ZNF385D: variants seen among roughly 807,000 people sequenced by gnomAD.
The protein encoded by ZNF385D is zinc finger protein 385D.
In ZNF385D, 15 loss-of-function variants were observed where a neutral mutation model predicts 35.8. The observed-to-expected ratio is 0.42, with a 90% CI of 0.28 to 0.64. ZNF385D has a LOEUF of 0.64. Among genes scored for constraint, ZNF385D ranks in the 30% least tolerant of loss-of-function variants. ZNF385D has a pLI of 0.23. For synonymous variants in ZNF385D, 212 were observed against 186.8 expected, an observed-to-expected ratio of 1.13 and a Z score of -1.10; for missense variants, 474 against 494.6, an observed-to-expected ratio of 0.96 and a Z score of 0.39.
chr3:22,287,071 T>C (rs1441355202), intron 2 of ZNF385D, among the ~76,000 whole-genome samples: 2 of 152,116 alleles, frequency 1.3e-5, no homozygotes, highest in Non-Finnish European at 2.9e-5. Context: ...TGGGTACATA[T>C]GTATTTACGA....
chr3:21,563,260 A>G (rs1338949476), intron 3 of ZNF385D: 5 of 152,474 alleles, frequency 3.3e-5, no homozygotes. Context: ...GCAGGCCCTT[A>G]CCAGACAGTG....
chr3:21,593,524 G>T (rs544600491), intron 2 of ZNF385D, among the ~76,000 whole-genome samples: 17 of 152,242 alleles, frequency 1.1e-4, no homozygotes, highest in African/African-American at 4.1e-4. Context: ...GGGCAGAGAA[G>T]TAAATAAAAG....
chr3:21,911,706 A>C (rs1699973252), intron 3 of ZNF385D, among the ~76,000 whole-genome samples: 1 of 151,956 alleles, frequency 6.6e-6, no homozygotes, highest in Non-Finnish European at 1.5e-5. Flanking sequence ...TAATTTCCTC[A>C]TTTCAACTAT....
chr3:21,581,283 A>G (rs1296491126), intron 2 of ZNF385D, among the ~76,000 whole-genome samples: 1 of 152,074 alleles, frequency 6.6e-6, no homozygotes, highest in East Asian at 1.9e-4. Context: ...TCACTTGTAT[A>G]TCAGATGTAT....
chr3:21,932,489 G>A (rs1701062765), intron 3 of ZNF385D, among the ~76,000 whole-genome samples: 1 of 151,794 alleles, frequency 6.6e-6, no homozygotes, highest in African/African-American at 2.4e-5. Flanking sequence ...CCTCTACAGA[G>A]CTTTTGATTA....
chr3:21,628,953 T>G (rs543688726), intron 2 of ZNF385D, among the ~76,000 whole-genome samples: 1 of 152,242 alleles, frequency 6.6e-6, no homozygotes, highest in South Asian at 2.1e-4. Context: ...TTCACTTACA[T>G]TTTGCCTGGG....
At chr3:21,627,099 G>C (rs1030770885) in intron 2 of ZNF385D, among the ~76,000 whole-genome samples, 1 of 150,200 alleles carries the variant, frequency 6.7e-6, no homozygotes, top group African/African-American at 2.5e-5. Context: ...TTACAAGATT[G>C]TTTTCCCCAC....
intron 2 of ZNF385D, among the ~76,000 whole-genome samples, chr3:22,326,250 TG>T (rs1376812266): frequency 6.6e-6 from 1 of 152,170 alleles, no homozygotes; most frequent in Non-Finnish European, 1.5e-5. Flanking sequence ...TAATCAAAGT[TG>T]TTGTCTATGT....
chr3:22,121,562 A>G (rs1440686699), intron 3 of ZNF385D, among the ~76,000 whole-genome samples: 2 of 152,210 alleles, frequency 1.3e-5, no homozygotes, highest in Non-Finnish European at 2.9e-5. Context: ...TAGCGTGCAC[A>G]ATGCACAAAG....
intron 2 of ZNF385D, among the ~76,000 whole-genome samples, chr3:22,175,199 GATTT>G (rs566965041): frequency 4.1e-4 from 62 of 151,968 alleles, no homozygotes; most frequent in Admixed American, 1.3e-3. Context: ...ATATAACAAA[GATTT>G]ATTATTTGTA....
intron 1 of ZNF385D, among the ~76,000 whole-genome samples, chr3:21,711,663 A>T (rs1056820802): frequency 6.6e-6 from 1 of 152,174 alleles, no homozygotes; most frequent in African/African-American, 2.4e-5. Flanking sequence ...TCAAATTTTA[A>T]AATGCATCCA....
At chr3:21,975,132 A>G (rs1223417120) in intron 3 of ZNF385D, among the ~76,000 whole-genome samples, 2 of 152,214 alleles carry the variant, frequency 1.3e-5, no homozygotes, top group African/African-American at 4.8e-5. Context: ...AGTTTGTGGC[A>G]GCACTGCTCT....
intron 3 of ZNF385D, among the ~76,000 whole-genome samples, chr3:22,129,242 G>A (rs188122566): frequency 6.6e-6 from 1 of 152,266 alleles, no homozygotes; most frequent in Admixed American, 6.5e-5. Context: ...GGTGACACAA[G>A]CATTCCCATG....
rs541171971 is a variant in ZNF385D at position 21,992,338 on chromosome 3, T to C, written c.325+176479A>G. 2.2e-4 allele frequency among the ~76,000 whole-genome samples: 33 copies of C among 152,228 alleles called. 1 individual carries two copies. Among genetic ancestry groups the C allele is most frequent in the Admixed American group, 2.0e-3 (30 of 15,286 alleles). ...GCAAAACATACAAACACACTCTAGC[T>C]ATTATCTATGTTAAACAAGATAGAA... On this transcript the variant is annotated intron_variant, in intron 3 of 5. Coordinates refer to the ZNF385D transcript ENST00000494108.
At chr3:22,281,778 CTCT>C (rs1701755729) in intron 2 of ZNF385D, among the ~76,000 whole-genome samples, 1 of 152,018 alleles carries the variant, frequency 6.6e-6, no homozygotes, top group Non-Finnish European at 1.5e-5. Context: ...GAAGGATTCC[CTCT>C]TTCTCTATCT....
chr3:22,245,329 G>T (rs1699716816), intron 2 of ZNF385D, among the ~76,000 whole-genome samples: 2 of 151,970 alleles, frequency 1.3e-5, no homozygotes, highest in South Asian at 2.1e-4. Context: ...GAAGTGTCCT[G>T]GGGCTAGTCC....
Position 22,217,415 on chromosome 3 carries a change from T to C in ZNF385D, c.107-48380A>G, listed in dbSNP as rs151220676. ...ATCTCCTTATCTGTTGGCCTCATCA[T>C]ACCTGATTAAAACAAAATTCCAAGT... On this transcript the variant is annotated intron_variant, in intron 2 of 5. Coordinates refer to the ZNF385D transcript ENST00000494108. 2.3e-4 allele frequency among the ~76,000 whole-genome samples: 35 copies of C among 152,278 alleles called. No homozygotes were observed. In the East Asian group the frequency reaches 6.2e-3, roughly 27 times the overall value.
intron 4 of ZNF385D, chr3:21,441,668 C>A (rs1701866456): frequency 1.0e-6 from 1 of 984,868 alleles, no homozygotes; most frequent in Admixed American, 6.2e-5. Flanking sequence ...AAAGGAAAAC[C>A]TATAGCTCTC....
intron 2 of ZNF385D, among the ~76,000 whole-genome samples, chr3:22,309,980 G>T (rs1375824456): frequency 6.6e-6 from 1 of 151,936 alleles, no homozygotes; most frequent in East Asian, 1.9e-4. Context: ...TTGATGAACT[G>T]CTCAATGGAC....
Sources: gnomAD v4.1 joint callset for allele counts (sites outside exome capture counted in the v4.1 genomes callset) on GRCh38, gnomAD v4.1.1 for gene constraint, MANE v1.5 for transcripts, NCBI Gene and HGNC (gene_info 2026-07-23, HGNC 2026-07-21) for gene names.